Variants in DENND1B observed in about 807,000 individuals in gnomAD.
DENND1B encodes DENN domain containing 1B.
In DENND1B, 59 loss-of-function variants were observed where a neutral mutation model predicts 90.1. The observed-to-expected ratio is 0.65, with a 90% confidence interval of 0.53 to 0.81. The LOEUF is 0.81. DENND1B is among the 40% of genes least tolerant of loss of function. The probability of loss-of-function intolerance (pLI) is 0.00; values close to 1 mark genes in which losing one functional copy is unlikely to be tolerated. For missense variants in DENND1B, 862 were observed against 912.6 expected, an observed-to-expected ratio of 0.94 and a Z score of 0.71; for synonymous variants, 337 against 324.6, an observed-to-expected ratio of 1.04 and a Z score of -0.41.
At chr1:197,714,653 C>T (rs1571467885) in intron 3 of DENND1B, among the ~76,000 whole-genome samples, 1 of 152,054 alleles carries the variant, frequency 6.6e-6, no homozygotes, top group South Asian at 2.1e-4. Context: ...ATGGCAGTAA[C>T]GCTTACTTCT....
chr1:197,507,079 C>T lies in DENND1B; in HGVS notation c.*3381G>A, dbSNP rs1229492978. On this transcript the variant is annotated 3_prime_UTR_variant, in exon 23 of 23. Transcript: ENST00000620048. ...TTAGAGCATGCTTTAAATTAAGCAGCCAGTTTTTGTTCTTTTTTTTTGAAC... is the reference window on the plus strand; with the variant it reads ...TTAGAGCATGCTTTAAATTAAGCAGTCAGTTTTTGTTCTTTTTTTTTGAAC... The T allele has an allele frequency of 6.6e-6, 1 of 150,550 alleles. No individual in the cohort carries two copies. Among genetic ancestry groups the T allele is most frequent in the African/African-American group, 2.4e-5 (1 of 41,170 alleles). The allele number at this position is 150,550 out of a possible 1,614,324, so 9.3% of individuals were successfully genotyped here. A position where few individuals can be genotyped will look rare whatever the true frequency, so the allele number is the denominator to read the frequency against.
intron 5 of DENND1B, among the ~76,000 whole-genome samples, chr1:197,664,781 T>G (rs529704526): frequency 6.6e-6 from 1 of 152,072 alleles, no homozygotes; most frequent in Non-Finnish European, 1.5e-5. Context: ...ATGTGTAAAA[T>G]TGAAACATTC....
At chr1:197,608,590 T>A (rs1032676119) in intron 12 of DENND1B, among the ~76,000 whole-genome samples, 12 of 150,640 alleles carry the variant, frequency 8.0e-5, no homozygotes, top group Non-Finnish European at 1.8e-4. Flanking sequence ...CATGTCATAA[T>A]TTTGATTTTC....
chr1:197,685,020 A>T (rs2126006361), intron 3 of DENND1B, among the ~76,000 whole-genome samples: 1 of 152,270 alleles, frequency 6.6e-6, no homozygotes, highest in East Asian at 1.9e-4. Flanking sequence ...CGGGAGGCTG[A>T]GGCAGGAGAA....
chr1:197,545,328 C>T (rs977301741), intron 18 of DENND1B, among the ~76,000 whole-genome samples: 6 of 151,990 alleles, frequency 3.9e-5, no homozygotes, highest in African/African-American at 1.4e-4. Context: ...TTGCTTGAAC[C>T]TGGAAGGCGG....
At chr1:197,569,978 T>C (rs1673012446) in intron 15 of DENND1B, among the ~76,000 whole-genome samples, 1 of 152,186 alleles carries the variant, frequency 6.6e-6, no homozygotes, top group South Asian at 2.1e-4. Context: ...GATATGTTAC[T>C]TAGCTTGATT....
intron 2 of DENND1B, among the ~76,000 whole-genome samples, chr1:197,758,731 TA>T (rs1654623324): frequency 6.6e-6 from 1 of 152,118 alleles, no homozygotes; most frequent in African/African-American, 2.4e-5. Flanking sequence ...TTTAGGCTTT[TA>T]GAAAATCGTG....
intron 10 of DENND1B, among the ~76,000 whole-genome samples, chr1:197,632,480 T>C (rs1404298071): frequency 6.6e-6 from 1 of 152,138 alleles, no homozygotes; most frequent in Non-Finnish European, 1.5e-5. Flanking sequence ...TGCCACTCTA[T>C]CTCCTAATAT....
intron 12 of DENND1B, among the ~76,000 whole-genome samples, chr1:197,609,882 A>G (rs1192757488): frequency 6.6e-6 from 1 of 150,724 alleles, no homozygotes; most frequent in Non-Finnish European, 1.5e-5. Flanking sequence ...TCAGTCTTAC[A>G]TACTAAATAT....
At chr1:197,654,540 G>A (rs913593774) in intron 6 of DENND1B, among the ~76,000 whole-genome samples, 2 of 151,914 alleles carry the variant, frequency 1.3e-5, no homozygotes, top group African/African-American at 4.8e-5. Flanking sequence ...AACCTGGGAG[G>A]TGGAGGTTGC....
At chr1:197,624,937 T>C (rs1678527120) in intron 10 of DENND1B, among the ~76,000 whole-genome samples, 1 of 151,404 alleles carries the variant, frequency 6.6e-6, no homozygotes, top group African/African-American at 2.4e-5. Flanking sequence ...ATGAAATGAA[T>C]GAAATGAAGC....
intron 20 of DENND1B, among the ~76,000 whole-genome samples, chr1:197,517,075 A>G (rs1459342841): frequency 6.6e-6 from 1 of 151,782 alleles, no homozygotes; most frequent in African/African-American, 2.4e-5. Context: ...AGAGCTCTCT[A>G]TAAGTGGGAT....
At chr1:197,678,943 G>A (rs73075699) in intron 3 of DENND1B, among the ~76,000 whole-genome samples, 3,591 of 152,116 alleles carry the variant, frequency 0.024, 143 homozygotes, top group African/African-American at 0.081. Flanking sequence ...TTACTTTTAC[G>A]TAGTGTTTTT....
At chr1:197,706,124 T>C (rs1167686236) in intron 3 of DENND1B, among the ~76,000 whole-genome samples, 1 of 152,182 alleles carries the variant, frequency 6.6e-6, no homozygotes, top group African/African-American at 2.4e-5. Flanking sequence ...CTTTCATGTT[T>C]GCAAATGGTG....
intron 3 of DENND1B, among the ~76,000 whole-genome samples, chr1:197,694,028 A>C (rs1658181595): frequency 6.6e-6 from 1 of 151,592 alleles, no homozygotes; most frequent in African/African-American, 2.4e-5. Context: ...CTTATCCTAA[A>C]GTGTATTTCA....
intron 5 of DENND1B, among the ~76,000 whole-genome samples, chr1:197,664,395 T>G (rs1654732231): frequency 1.3e-5 from 2 of 152,116 alleles, no homozygotes; most frequent in South Asian, 4.1e-4. Context: ...TAAAACATTA[T>G]GAGCAATTAT....
At chr1:197,635,397 G>C (rs1298457183) in intron 10 of DENND1B, among the ~76,000 whole-genome samples, 1 of 151,996 alleles carries the variant, frequency 6.6e-6, no homozygotes, top group African/African-American at 2.4e-5. Flanking sequence ...GAATGCAGTA[G>C]AGCGATTATG....
chr1:197,635,047 AGGAG>A (rs1679660713), intron 10 of DENND1B, among the ~76,000 whole-genome samples: 1 of 152,100 alleles, frequency 6.6e-6, no homozygotes, highest in Admixed American at 6.6e-5. Context: ...AAGGGAAGGA[AGGAG>A]GAAGTAATCA....
At position 197,674,176 on chromosome 1, in the gene DENND1B, A is replaced by G; in HGVS notation, c.127-7T>C. On this transcript the variant is annotated splice_region_variant and splice_polypyrimidine_tract_variant and intron_variant, in intron 3 of 22. Coordinates refer to ENST00000620048, the MANE Select transcript of DENND1B (RefSeq NM_001195215.2). ...GCACACTCTGTAGTATTTCCTACAA[A>G]TGGAAATTTCAAAAAAAAGAAATAA... 6.3e-7 allele frequency: 1 copy of G among 1,587,148 alleles called. No individual in the cohort carries two copies. Among genetic ancestry groups the G allele is most frequent in the Non-Finnish European group, 8.6e-7 (1 of 1,165,124 alleles).
Sources: gnomAD v4.1 joint callset for allele counts (sites outside exome capture counted in the v4.1 genomes callset) on GRCh38, gnomAD v4.1.1 for gene constraint, MANE v1.5 for transcripts, NCBI Gene and HGNC (gene_info 2026-07-23, HGNC 2026-07-21) for gene names.